ECE2: variants seen among roughly 807,000 people sequenced by gnomAD.
The protein encoded by ECE2 is endothelin-converting enzyme 2.
A neutral mutation model predicts 100.6 loss-of-function variants in ECE2; 81 were observed. The ratio of observed to expected loss-of-function variants is 0.81; its 90% confidence interval spans 0.67 to 0.97. ECE2 has a LOEUF of 0.97. Ranked by LOEUF, ECE2 falls within the 50% of genes least tolerant of loss-of-function variation. The pLI, the probability that ECE2 is intolerant of heterozygous loss-of-function variation, is 0.00. For missense variants in ECE2, 911 were observed against 988.1 expected, an observed-to-expected ratio of 0.92 and a Z score of 1.05; for synonymous variants, 391 against 391.5, an observed-to-expected ratio of 1.00 and a Z score of 0.02.
chr3:184,289,494 G>A lies in ECE2; in HGVS notation c.1432G>A (p.Val478Ile). Residue 478 changes from valine (V) to isoleucine (I), a missense_variant, in exon 12 of 19, where the codon GTT (valine) becomes ATT (isoleucine). By Grantham distance (29) the Val-to-Ile change is conservative. Coordinates refer to ENST00000404464, the MANE Select transcript of ECE2 (RefSeq NM_001100121.2). The surrounding 1 kb of genome is among the most constrained non-coding windows in gnomAD (Gnocchi z 4.1). ...TAFEEALGQL[V>I]WMDEKTRQAA... ...ATTTGAGGAGGCCCTGGGACAGCTGGTTTGGATGGATGAGAAGACCCGCCA... is the reference window on the plus strand; with the variant it reads ...ATTTGAGGAGGCCCTGGGACAGCTGATTTGGATGGATGAGAAGACCCGCCA... 1 of 1,612,694 alleles carries A rather than the reference G, an allele frequency of 6.2e-7. No homozygotes were observed. The highest frequency in any genetic ancestry group is 8.5e-7 in the Non-Finnish European group (1 of 1,179,440).
intron 7 of ECE2, among the ~76,000 whole-genome samples, chr3:184,282,192 A>C (rs1720840713): frequency 6.6e-6 from 1 of 152,216 alleles, no homozygotes; most frequent in South Asian, 2.1e-4. Flanking sequence ...TAGGGAGAGA[A>C]GGGGTAAGGT....
In ECE2 at chr3:184,287,869, C is replaced by T. The variant is rs931172357; in HGVS notation, c.1296C>T (p.Ser432=). Residue 432 remains serine, a synonymous_variant, in exon 11 of 19, where the codon TCC becomes TCT. Coordinates refer to ENST00000404464, the MANE Select transcript of ECE2 (RefSeq NM_001100121.2). ...TGCCGAGGTGGCAGACCTGCATCTC[C>T]AACACGGATGACGCCCTTGGCTTTG... is the stretch of plus-strand genomic sequence containing the variant. ...SCVPRWQTCI[S]NTDDALGFAL... 4 of 1,614,202 alleles carry T rather than the reference C, an allele frequency of 2.5e-6. No individual in the cohort carries two copies. Among genetic ancestry groups the T allele is most frequent in the South Asian group, 1.1e-5 (1 of 91,088 alleles).
chr3:184,278,833 CCATTGCCA>C, intron 7 of ECE2: 1 of 501,250 alleles, frequency 2.0e-6, no homozygotes, highest in Non-Finnish European at 3.6e-6. Flanking sequence ...AGTTTCCGAG[CCATTGCCA>C]CAGGAAGCGT....
At chr3:184,278,143 A>G (rs1321703091) in intron 5 of ECE2, 24 bp from the exon 6 acceptor site, 1 of 1,613,866 alleles carries the variant, frequency 6.2e-7, no homozygotes, top group East Asian at 2.2e-5. Flanking sequence ...TGCACTAATC[A>G]TTCCACTTAT....
At chr3:184,281,199 G>C (rs565896900) in intron 7 of ECE2, among the ~76,000 whole-genome samples, 14 of 152,232 alleles carry the variant, frequency 9.2e-5, no homozygotes, top group African/African-American at 3.4e-4. Context: ...CCCTCCTCTA[G>C]GCATATGGTG....
Position 184,285,010 on chromosome 3 carries a change from G to A in ECE2, c.1053G>A (p.Leu351=). Residue 351 remains leucine (L), a synonymous_variant, in exon 9 of 19, where the codon CTG becomes CTA. Transcript: ENST00000404464. ...GGCTTGAGTTCCTGTCTTTCTTGCT[G>A]TCACCATTGGAGTTGAGTGACTCTG... is the stretch of plus-strand genomic sequence containing the variant. ...MDWLEFLSFL[L]SPLELSDSEP... is the part of the protein sequence containing the mutation. The A allele has an allele frequency of 6.2e-7, 1 of 1,614,144 alleles. No homozygotes were observed. The highest frequency in any genetic ancestry group is 8.5e-7 in the Non-Finnish European group (1 of 1,180,024).
Position 184,289,566 on chromosome 3 carries a change from T to C in ECE2, c.1473+31T>C, listed in dbSNP as rs1721217964. The C allele has an allele frequency of 1.2e-6, 2 of 1,613,802 alleles. No homozygotes were observed. Among genetic ancestry groups the C allele is most frequent in the African/African-American group, 1.3e-5 (1 of 75,000 alleles). ...CGGTGGCTAGGGTTGGGGCGCCATCTTGAGGTGGGGTTCAAGGATACAGTT... is the reference window on the plus strand; with the variant it reads ...CGGTGGCTAGGGTTGGGGCGCCATCCTGAGGTGGGGTTCAAGGATACAGTT... On this transcript the variant is annotated intron_variant, in intron 12 of 18. Transcript: ENST00000404464. This position sits in a 1 kb window ranked among gnomAD's most constrained non-coding sequence, Gnocchi z 4.1.
chr3:184,277,379 A>C lies in ECE2; in HGVS notation c.391A>C (p.Arg131=). 1 of 1,614,214 alleles carries C rather than the reference A, an allele frequency of 6.2e-7. No homozygotes were observed. The highest frequency in any genetic ancestry group is 8.5e-7 in the Non-Finnish European group (1 of 1,180,036). The change falls in exon 4 of 19, where the codon AGG becomes CGG. Residue 131 remains arginine, a synonymous_variant. Coordinates refer to ENST00000404464, the MANE Select transcript of ECE2 (RefSeq NM_001100121.2). The part of the protein sequence containing the change: ...YQFSCGGWIR[R]NPLPDGRSRW... ...GTTCTCCTGTGGGGGCTGGATTCGG[A>C]GGAACCCCCTGCCCGATGGGCGTTC...
chr3:184,284,069 C>A, intron 8 of ECE2, 96 bp downstream of exon 8: 1 of 1,431,498 alleles, frequency 7.0e-7, no homozygotes, highest in Non-Finnish European at 9.6e-7. Context: ...GGCAGCCAGT[C>A]CTTTCCTCAT....
rs1346936901 is a variant in ECE2 at position 184,277,454 on chromosome 3, A to C, written c.466A>C (p.Lys156Gln). The C allele has an allele frequency of 6.2e-7, 1 of 1,614,090 alleles. No homozygotes were observed. Among genetic ancestry groups the C allele is most frequent in the East Asian group, 2.2e-5 (1 of 44,888 alleles). ...CTGGGACCAAAACCAGGCCATACTG[A>C]AGCACCTGCTTGGTGAGTGGGGCTG... ...SLWDQNQAIL[K>Q]HLLENTTFNS... is the part of the protein sequence containing the mutation. The change falls in exon 4 of 19, where the codon AAG becomes CAG. Residue 156 changes from lysine to glutamine, a missense_variant. Transcript: ENST00000404464.
Position 184,291,402 on chromosome 3 carries a change from T to C in ECE2, c.2084T>C (p.Leu695Pro). 1 of 1,605,454 alleles carries C rather than the reference T, an allele frequency of 6.2e-7. No homozygotes were observed. The highest frequency in any genetic ancestry group is 1.7e-5 in the Admixed American group (1 of 58,948). Residue 695 changes from leucine (L) to proline (P), a missense_variant, in exon 18 of 19, where the codon CTC becomes CCC. Transcript: ENST00000404464. The surrounding 1 kb of genome is among the most constrained non-coding windows in gnomAD (Gnocchi z 4.1). ...GAGCAGCAACTGCCAGCCGTGGGGC[T>C]CACCAACCACCAGCTCTTCTTCGTG... Reference protein sequence around the residue: ...GEEQQLPAVGLTNHQLFFVGF... With the variant: ...GEEQQLPAVGPTNHQLFFVGF...
At chr3:184,290,179 T>G (rs1721243420) in intron 13 of ECE2, 76 bp from the exon 14 acceptor site, 1 of 1,198,502 alleles carries the variant, frequency 8.3e-7, no homozygotes, top group Admixed American at 2.0e-5. Flanking sequence ...GAGATACTAA[T>G]GAGTAGCCAA....
chr3:184,290,730 G>A (rs928480326), intron 15 of ECE2, 63 bp downstream of exon 15: 1 of 1,612,672 alleles, frequency 6.2e-7, no homozygotes, highest in Non-Finnish European at 8.5e-7. Context: ...CTGGGAGCAG[G>A]GCTGGAGGTG....
chr3:184,277,139 G>T, intron 3 of ECE2, 112 bp downstream of exon 3: 2 of 1,599,696 alleles, frequency 1.3e-6, no homozygotes, highest in South Asian at 1.1e-5. Flanking sequence ...AAAAGCCCCC[G>T]GCTTTGCTTT....
Position 184,291,921 on chromosome 3 carries a change from C to G in ECE2, c.2122-141C>G. The G allele has an allele frequency of 2.1e-6, 2 of 942,228 alleles. No individual in the cohort carries two copies. The highest frequency in any genetic ancestry group is 2.6e-5 in the East Asian group (1 of 38,810). 58.4% of individuals were successfully genotyped at this position (942,228 alleles called of 1,614,324 possible). ...CCTCGTCATGTCCATGCTGGGCAACCCGATGTCCAGGGCAGTTTTGGAAGG... is the reference window on the plus strand; with the variant it reads ...CCTCGTCATGTCCATGCTGGGCAACGCGATGTCCAGGGCAGTTTTGGAAGG... On this transcript the variant is annotated intron_variant, in intron 18 of 18. Transcript: ENST00000404464. The surrounding 1 kb of genome is among the most constrained non-coding windows in gnomAD (Gnocchi z 4.1).
At position 184,290,368 on chromosome 3, in the gene ECE2, A is replaced by G. The variant is rs1448283584; in HGVS notation, c.1655+10A>G. 6.2e-7 allele frequency: 1 copy of G among 1,612,516 alleles called. No individual in the cohort carries two copies. Among genetic ancestry groups the G allele is most frequent in the African/African-American group, 1.3e-5 (1 of 74,816 alleles). ...CTCCCAGCCGAGACCAGTGAGAATGACGGGGTGGACATAGACACTAGGGGT... is the reference window on the plus strand; with the variant it reads ...CTCCCAGCCGAGACCAGTGAGAATGGCGGGGTGGACATAGACACTAGGGGT... On this transcript the variant is annotated intron_variant, in intron 14 of 18. Coordinates refer to ENST00000404464, the MANE Select transcript of ECE2 (RefSeq NM_001100121.2).
intron 10 of ECE2, among the ~76,000 whole-genome samples, chr3:184,286,600 C>T (rs1721043419): frequency 6.6e-6 from 1 of 151,650 alleles, no homozygotes. Flanking sequence ...GTCAGGAGTT[C>T]AAGACCAGCC....
In ECE2 at chr3:184,289,768, T is replaced by C; in HGVS notation, c.1551+50T>C. ...TGAACTTCAGCCCTGTAGAGGGCAC[T>C]GTTCCCTGGGCTTAGAAATTGGGGC... is the stretch of plus-strand genomic sequence containing the variant. On this transcript the variant is annotated intron_variant, in intron 13 of 18. Coordinates refer to ENST00000404464, the MANE Select transcript of ECE2 (RefSeq NM_001100121.2). The surrounding 1 kb of genome is among the most constrained non-coding windows in gnomAD (Gnocchi z 4.1). 2.0e-6 allele frequency: 3 copies of C among 1,504,312 alleles called. No individual in the cohort carries two copies. The highest frequency in any genetic ancestry group is 2.7e-6 in the Non-Finnish European group (3 of 1,109,226). 93.2% of individuals were successfully genotyped at this position (1,504,312 alleles called of 1,614,324 possible). A position where few individuals can be genotyped will look rare whatever the true frequency, so the allele number is the denominator to read the frequency against.
chr3:184,284,894 G>A (rs1720965357), intron 8 of ECE2, 69 bp from the exon 9 acceptor site: 11 of 1,571,236 alleles, frequency 7.0e-6, no homozygotes, highest in Non-Finnish European at 8.6e-6. Flanking sequence ...CCAGGCTACA[G>A]CATACAGTGG....
Sources: gnomAD v4.1 joint callset for allele counts (sites outside exome capture counted in the v4.1 genomes callset) on GRCh38, gnomAD v4.1.1 for gene constraint, Gnocchi (gnomAD v3.1) non-coding constraint, MANE v1.5 for transcripts, NCBI Gene and HGNC (gene_info 2026-07-23, HGNC 2026-07-21) for gene names.